Variants in FRY observed in about 807,000 individuals in gnomAD.
FRY encodes FRY microtubule binding protein, also known as protein furry homolog.
In FRY, 128 loss-of-function variants were observed where a neutral mutation model predicts 348.4. The observed-to-expected ratio is 0.37, with a 90% CI of 0.32 to 0.43. FRY has a LOEUF of 0.43. FRY is among the 20% of genes least tolerant of loss of function. The pLI is 1.00. For missense variants in FRY, 2,736 were observed against 3,695.2 expected (o/e 0.74, Z 6.73); for synonymous variants, 1,370 against 1,374.7 (o/e 1.00, Z 0.08).
intron 52 of FRY, 57 bp downstream of exon 52, chr13:32,261,873 CAGG>C: frequency 2.0e-6 from 3 of 1,475,092 alleles, no homozygotes; most frequent in Non-Finnish European, 2.8e-6. Context: ...GTAACTAATG[CAGG>C]AGGACAGTTT....
At chr13:32,047,584 G>A (rs937257458) in intron 1 of FRY, among the ~76,000 whole-genome samples, 4 of 148,628 alleles carry the variant, frequency 2.7e-5, no homozygotes, top group African/African-American at 4.9e-5. Flanking sequence ...TTTTTTTTGG[G>A]GGGGGTGCAG....
intron 55 of FRY, among the ~76,000 whole-genome samples, chr13:32,270,083 G>C (rs1436706443): frequency 6.6e-6 from 1 of 152,140 alleles, no homozygotes; most frequent in Non-Finnish European, 1.5e-5. Flanking sequence ...AAGAATTCTA[G>C]AAATACTTTA....
intron 2 of FRY, among the ~76,000 whole-genome samples, chr13:32,087,887 A>C (rs780863481): frequency 2.0e-5 from 3 of 152,238 alleles, no homozygotes; most frequent in Non-Finnish European, 2.9e-5. Context: ...TTTATATGGC[A>C]GATCTTCATA....
chr13:32,069,136 C>T (rs1179111425), intron 1 of FRY, among the ~76,000 whole-genome samples: 2 of 151,954 alleles, frequency 1.3e-5, no homozygotes, highest in Non-Finnish European at 2.9e-5. Flanking sequence ...AGGATGGTCT[C>T]GATCTCCTGA....
intron 1 of FRY, among the ~76,000 whole-genome samples, chr13:32,067,874 C>T (rs1039372095): frequency 1.3e-5 from 2 of 152,174 alleles, no homozygotes; most frequent in Non-Finnish European, 2.9e-5. Flanking sequence ...ATCAGTTTTT[C>T]TATAGGCAGA....
At chr13:32,238,385 C>G (rs1294385788) in intron 44 of FRY, among the ~76,000 whole-genome samples, 2 of 151,860 alleles carry the variant, frequency 1.3e-5, no homozygotes, top group Admixed American at 6.6e-5. Flanking sequence ...TTGGTTTCCT[C>G]TTGTTTTGAA....
chr13:32,145,526 G>GTTTTTT (rs59585678), intron 11 of FRY, among the ~76,000 whole-genome samples: 48 of 91,466 alleles, frequency 5.2e-4, no homozygotes, highest in East Asian at 1.7e-3. Flanking sequence ...TGACTGATTT[G>GTTTTTT]TTTTTTTTTT....
chr13:32,239,153 T>C lies in FRY; in HGVS notation c.6419-99T>C. 1 of 811,326 alleles carries C rather than the reference T, an allele frequency of 1.2e-6. No individual in the cohort carries two copies. Among genetic ancestry groups the C allele is most frequent in the African/African-American group, 1.7e-5 (1 of 59,912 alleles). The allele number at this position is 811,326 out of a possible 1,614,324, so 50.3% of individuals were successfully genotyped here. A position where few individuals can be genotyped will look rare whatever the true frequency, so the allele number is the denominator to read the frequency against. On this transcript the variant is annotated intron_variant, in intron 44 of 60. Coordinates refer to ENST00000542859, the MANE Select transcript of FRY (RefSeq NM_023037.3). This position sits in a 1 kb window ranked among gnomAD's most constrained non-coding sequence, Gnocchi z 4.3. ...TTAAGCTGATTCAAAAAACTGCTTTTGCATCACCTCAGTATAAAAATCTGT... is the reference window on the plus strand; with the variant it reads ...TTAAGCTGATTCAAAAAACTGCTTTCGCATCACCTCAGTATAAAAATCTGT...
At chr13:32,129,500 C>G (rs1051090883) in intron 7 of FRY, among the ~76,000 whole-genome samples, 1 of 152,194 alleles carries the variant, frequency 6.6e-6, no homozygotes, top group Non-Finnish European at 1.5e-5. Context: ...GTAAACACAG[C>G]TAATATTTTC....
chr13:32,185,323 A>G (rs1882966248), intron 26 of FRY, among the ~76,000 whole-genome samples, 175 bp downstream of exon 26: 1 of 152,208 alleles, frequency 6.6e-6, no homozygotes, highest in Admixed American at 6.5e-5. Context: ...ATTACTCAGC[A>G]CAGAGTTGGA....
chr13:32,131,648 A>T, intron 7 of FRY, 24 bp from the exon 8 acceptor site: 1 of 1,596,156 alleles, frequency 6.3e-7, no homozygotes, highest in South Asian at 1.1e-5. Context: ...AATATTTGAT[A>T]AACCACTTAT....
intron 11 of FRY, among the ~76,000 whole-genome samples, chr13:32,143,014 A>C (rs1177984524): frequency 6.6e-6 from 1 of 152,150 alleles, no homozygotes; most frequent in Non-Finnish European, 1.5e-5. Context: ...TTATCCAAGT[A>C]GACAAGGATA....
intron 1 of FRY, among the ~76,000 whole-genome samples, chr13:32,049,184 G>T (rs1873188276): frequency 6.6e-6 from 1 of 152,190 alleles, no homozygotes. Flanking sequence ...GAGGCTGAGG[G>T]ATAGTTCCAT....
At position 32,087,318 on chromosome 13, in the gene FRY, C is replaced by G. The variant is rs367890235; in HGVS notation, c.270+8285C>G. Among the ~76,000 whole-genome samples, 37 of 152,344 alleles carry G rather than the reference C, an allele frequency of 2.4e-4. No individual in the cohort carries two copies. The South Asian group carries it at 2.7e-3, about 11-fold the overall frequency. ...TTGCTAGTGTTGTTCCAGGTTCAGG[C>G]AGTAACGTTGTTGACATACCTTTGT... On this transcript the variant is annotated intron_variant, in intron 2 of 60. Transcript: ENST00000542859.
intron 1 of FRY, among the ~76,000 whole-genome samples, chr13:32,060,562 T>C (rs932995621): frequency 6.6e-6 from 1 of 152,226 alleles, no homozygotes; most frequent in Non-Finnish European, 1.5e-5. Flanking sequence ...TTTGTATTCA[T>C]GGCCAAGAGC....
intron 17 of FRY, among the ~76,000 whole-genome samples, chr13:32,162,442 C>T (rs1199359884): frequency 2.6e-5 from 4 of 152,140 alleles, no homozygotes; most frequent in Non-Finnish European, 4.4e-5. Context: ...CCTGTGGAGC[C>T]CCGCACCTCC....
intron 58 of FRY, among the ~76,000 whole-genome samples, chr13:32,286,104 A>G (rs1459906900): frequency 6.6e-6 from 1 of 152,194 alleles, no homozygotes; most frequent in Non-Finnish European, 1.5e-5. Context: ...CCCTTGGAGG[A>G]TAGGGTAGGG....
chr13:32,227,060 G>T (rs1315170419), intron 39 of FRY, among the ~76,000 whole-genome samples: 2 of 152,008 alleles, frequency 1.3e-5, no homozygotes, highest in Non-Finnish European at 2.9e-5. Flanking sequence ...TGATAAGTTG[G>T]GTATCTCTGT....
rs1292069135 is a variant in FRY at position 32,184,630 on chromosome 13, T to C, written c.3085T>C (p.Leu1029=). The C allele has an allele frequency of 6.2e-7, 1 of 1,613,640 alleles. No individual in the cohort carries two copies. Among genetic ancestry groups the C allele is most frequent in the Non-Finnish European group, 8.5e-7 (1 of 1,179,468 alleles). ...GAAACGCCGAGAACGGCGAGACTTG[T>C]TAAGGCTACAACTACTTCGAATTTT... ...NKKRRERRDL[L]RLQLLRIFEL... The change falls in exon 25 of 61, where the codon TTA becomes CTA. Residue 1029 remains leucine (L), a synonymous_variant. Transcript: ENST00000542859.
Sources: allele counts gnomAD v4.1 joint callset (sites outside exome capture counted in the v4.1 genomes callset), GRCh38; gene constraint gnomAD v4.1.1; non-coding constraint Gnocchi (gnomAD v3.1); transcripts MANE v1.5; gene names NCBI Gene and HGNC (gene_info 2026-07-23, HGNC 2026-07-21).